Variants in ACBD7 observed in about 807,000 individuals in gnomAD.
The protein encoded by ACBD7 is acyl-CoA binding domain containing 7.
Under a neutral mutation model 13.7 loss-of-function variants are expected in ACBD7, and 11 were observed. The ratio of observed to expected loss-of-function variants is 0.80; its 90% CI spans 0.50 to 1.33. The LOEUF is 1.33. Among genes scored for constraint, ACBD7 ranks in the 40% most tolerant of loss-of-function variants. ACBD7 has a pLI of 0.00. For synonymous variants in ACBD7, 43 were observed against 37.7 expected, an observed-to-expected ratio of 1.14 and a Z score of -0.51; for missense variants, 111 against 103.0, an observed-to-expected ratio of 1.08 and a Z score of -0.33.
chr10:15,079,894 T>TTC (rs2131393707), intron 1 of ACBD7, among the ~76,000 whole-genome samples: 1 of 151,614 alleles, frequency 6.6e-6, no homozygotes. Flanking sequence ...TTTTTTTTTT[T>TTC]TTTTGGCATT....
In ACBD7 at chr10:15,076,361, A is replaced by G. The variant is rs1589258384; in HGVS notation, c.*2169T>C. The G allele has an allele frequency of 1.2e-5, 12 of 985,306 alleles. No homozygotes were observed. The highest frequency in any genetic ancestry group is 1.4e-5 in the Non-Finnish European group (12 of 829,822). 61.0% of individuals were successfully genotyped at this position (985,306 alleles called of 1,614,324 possible). A position where few individuals can be genotyped will look rare whatever the true frequency, so the allele number is the denominator to read the frequency against. On this transcript the variant is annotated 3_prime_UTR_variant, in exon 4 of 4. Coordinates refer to ENST00000356189, the MANE Select transcript of ACBD7 (RefSeq NM_001039844.3). Reference sequence around the variant, plus strand: ...TCAGATAGAACTGAACATATGGGGTACAGTAGTGGTACAGTTTATCACTAG... The same window carrying G: ...TCAGATAGAACTGAACATATGGGGTGCAGTAGTGGTACAGTTTATCACTAG...
At chr10:15,086,970 G>A (rs10906824) in intron 1 of ACBD7, among the ~76,000 whole-genome samples, 5,664 of 147,804 alleles carry the variant, frequency 0.038, 119 homozygotes, top group African/African-American at 0.043. Context: ...CCAAGATTGC[G>A]CCATTGCACT....
In ACBD7 at chr10:15,082,092, A is replaced by T. The variant is rs562583386; in HGVS notation, c.13-3052T>A. 7.9e-5 allele frequency among the ~76,000 whole-genome samples: 12 copies of T among 152,244 alleles called. No individual in the cohort carries two copies. The South Asian group carries it at 2.5e-3, about 32-fold the overall frequency. ...CACCTAAGGTTGGGAGTTTGAGACC[A>T]GCCTGACCAACATGGAGAAACCCGT... On this transcript the variant is annotated intron_variant, in intron 1 of 3. Transcript: ENST00000356189.
chr10:15,087,424 C>T (rs1011455083), intron 1 of ACBD7, among the ~76,000 whole-genome samples: 5 of 152,168 alleles, frequency 3.3e-5, no homozygotes, highest in Non-Finnish European at 7.3e-5. Context: ...AACGTCTTGC[C>T]TGACTGAAAT....
Position 15,076,633 on chromosome 10 carries a change from G to C in ACBD7, c.*1897C>G, listed in dbSNP as rs1844685633. 1 of 622,212 alleles carries C rather than the reference G, an allele frequency of 1.6e-6. No homozygotes were observed. Among genetic ancestry groups the C allele is most frequent in the Non-Finnish European group, 2.0e-6 (1 of 498,756 alleles). 38.5% of individuals were successfully genotyped at this position (622,212 alleles called of 1,614,324 possible). ...TTCTCCTGCCTCAGCCTCCCAAGTA[G>C]CTGGAATTACAGGTGTGCACCACCA... On this transcript the variant is annotated 3_prime_UTR_variant, in exon 4 of 4. Transcript: ENST00000356189.
intron 1 of ACBD7, among the ~76,000 whole-genome samples, chr10:15,083,552 G>A (rs1367523309): frequency 1.3e-5 from 2 of 152,152 alleles, no homozygotes; most frequent in African/African-American, 4.8e-5. Context: ...CACAATCACG[G>A]CTCACTGCAA....
chr10:15,081,832 C>T (rs1844753609), intron 1 of ACBD7, among the ~76,000 whole-genome samples: 1 of 152,182 alleles, frequency 6.6e-6, no homozygotes, highest in African/African-American at 2.4e-5. Flanking sequence ...CTACCCAGTT[C>T]CCACAGGGGA....
intron 1 of ACBD7, among the ~76,000 whole-genome samples, chr10:15,083,308 T>C (rs74633376): frequency 2.0e-5 from 3 of 152,294 alleles, no homozygotes; most frequent in East Asian, 3.9e-4. Flanking sequence ...ATCCCAGCCA[T>C]GATGAGCTGG....
intron 1 of ACBD7, among the ~76,000 whole-genome samples, chr10:15,080,386 C>T (rs917396631): frequency 2.6e-5 from 4 of 152,024 alleles, no homozygotes; most frequent in African/African-American, 9.7e-5. Flanking sequence ...TCGAGACCAG[C>T]CCGGCCAACA....
At chr10:15,082,989 A>G (rs1329486069) in intron 1 of ACBD7, among the ~76,000 whole-genome samples, 2 of 152,094 alleles carry the variant, frequency 1.3e-5, no homozygotes, top group South Asian at 2.1e-4. Flanking sequence ...GTGAGCCAAG[A>G]TCCTGCCACT....
Position 15,078,757 on chromosome 10 carries a change from G to A in ACBD7, c.131-4C>T, listed in dbSNP as rs373066648. 1.2e-6 allele frequency: 2 copies of A among 1,613,366 alleles called. No individual in the cohort carries two copies. The highest frequency in any genetic ancestry group is 2.7e-5 in the African/African-American group (2 of 74,870). On this transcript the variant is annotated splice_region_variant and splice_polypyrimidine_tract_variant and intron_variant, in intron 2 of 3. Transcript: ENST00000356189. ...AAATCTAGCATTCCTGGACACGCTGGCAAAAGAAGGAGACATGCATTTGCA... is the reference window on the plus strand; with the variant it reads ...AAATCTAGCATTCCTGGACACGCTGACAAAAGAAGGAGACATGCATTTGCA...
rs775039222 is a variant in ACBD7, at chr10:15,088,697, C to T, written c.12+20G>A. 2.5e-6 allele frequency: 4 copies of T among 1,596,718 alleles called. No homozygotes were observed. In the Admixed American group the frequency reaches 6.7e-5, roughly 27 times the overall value. ...CTCGCGGAGCGCCCCTCCCGCGTGG[C>T]CTCCCCGCGCCCCGGGTACCTGCAG... On this transcript the variant is annotated intron_variant, in intron 1 of 3. Transcript: ENST00000356189.
rs2131391886 is a variant in ACBD7, at chr10:15,078,168, C to T, written c.*362G>A. On this transcript the variant is annotated 3_prime_UTR_variant, in exon 4 of 4. Coordinates refer to ENST00000356189, the MANE Select transcript of ACBD7 (RefSeq NM_001039844.3). ...GTCCATGTGTTCTCATTGTTCAACT[C>T]CCACTTATGAGTGAGAACATGCTTG... 1 of 256,770 alleles carries T rather than the reference C, an allele frequency of 3.9e-6. No homozygotes were observed. The highest frequency in any genetic ancestry group is 1.1e-4 in the East Asian group (1 of 9,230). 15.9% of individuals were successfully genotyped at this position (256,770 alleles called of 1,614,324 possible).
intron 1 of ACBD7, among the ~76,000 whole-genome samples, chr10:15,079,511 G>C (rs1844724861): frequency 2.0e-5 from 3 of 151,678 alleles, no homozygotes; most frequent in African/African-American, 7.3e-5. Flanking sequence ...CTGACCTCAA[G>C]TGATCCCCCT....
In ACBD7 at chr10:15,078,161, T is replaced by G. The variant is rs1444350685; in HGVS notation, c.*369A>C. On this transcript the variant is annotated 3_prime_UTR_variant, in exon 4 of 4. Coordinates refer to ENST00000356189, the MANE Select transcript of ACBD7 (RefSeq NM_001039844.3). ...TCCCTGTGTCCATGTGTTCTCATTG[T>G]TCAACTCCCACTTATGAGTGAGAAC... The G allele has an allele frequency of 4.0e-6, 1 of 248,136 alleles. No homozygotes were observed. Among genetic ancestry groups the G allele is most frequent in the East Asian group, 1.1e-4 (1 of 9,276 alleles). The allele number at this position is 248,136 out of a possible 1,614,324, so 15.4% of individuals were successfully genotyped here. A position where few individuals can be genotyped will look rare whatever the true frequency, so the allele number is the denominator to read the frequency against.
At position 15,077,837 on chromosome 10, in the gene ACBD7, C is replaced by T. The variant is rs1392213541; in HGVS notation, c.*693G>A. On this transcript the variant is annotated 3_prime_UTR_variant, in exon 4 of 4. Transcript: ENST00000356189. ...GCAGTGAACCGAGATCACACGACTG[C>T]ACTCCAGCCTGGGTGACAGAGTGAG... is the stretch of plus-strand genomic sequence containing the variant. 2.6e-5 allele frequency: 4 copies of T among 152,460 alleles called. No individual in the cohort carries two copies. The highest frequency in any genetic ancestry group is 2.1e-4 in the South Asian group (1 of 4,826). The allele number at this position is 152,460 out of a possible 1,614,324, so 9.4% of individuals were successfully genotyped here.
At chr10:15,079,312 C>T (rs1844722459) in intron 1 of ACBD7, among the ~76,000 whole-genome samples, 1 of 150,558 alleles carries the variant, frequency 6.6e-6, no homozygotes, top group African/African-American at 2.5e-5. Context: ...CTCTCTCGCC[C>T]AGGCTGGAGT....
chr10:15,075,990 AAAAAAAAG>A lies in ACBD7; in HGVS notation c.*2532_*2539del. 1 of 639,130 alleles carries A rather than the reference AAAAAAAAG, an allele frequency of 1.6e-6. No individual in the cohort carries two copies. The highest frequency in any genetic ancestry group is 1.9e-6 in the Non-Finnish European group (1 of 514,314). The allele number at this position is 639,130 out of a possible 1,614,324, so 39.6% of individuals were successfully genotyped here. On this transcript the variant is annotated 3_prime_UTR_variant, in exon 4 of 4. Transcript: ENST00000356189. Reference sequence around the variant, plus strand: ...GCCTGTCTCAACAAAAAAAAAAAAAAAAAAAAAGAAAAGAAAAAGAATGTTATATAAAT... The same window carrying A: ...GCCTGTCTCAACAAAAAAAAAAAAAAAAAAGAAAAAGAATGTTATATAAAT...
chr10:15,078,471 G>T lies in ACBD7; in HGVS notation c.*59C>A, dbSNP rs192950689. On this transcript the variant is annotated 3_prime_UTR_variant, in exon 4 of 4. Coordinates refer to ENST00000356189, the MANE Select transcript of ACBD7 (RefSeq NM_001039844.3). ...TAACAGTATGCCTCTCCCTCTAAAT[G>T]TTAGGTCATGATAGCATTTGGAAGT... 5.6e-6 allele frequency: 9 copies of T among 1,610,976 alleles called. No individual in the cohort carries two copies. In the African/African-American group the frequency reaches 9.3e-5, roughly 17 times the overall value.
Sources: gnomAD v4.1 joint callset for allele counts (sites outside exome capture counted in the v4.1 genomes callset) on GRCh38, gnomAD v4.1.1 for gene constraint, MANE v1.5 for transcripts, NCBI Gene and HGNC (gene_info 2026-07-23, HGNC 2026-07-21) for gene names.